AFF3: variants seen among roughly 807,000 people sequenced by gnomAD.
The protein encoded by AFF3 is AF4/FMR2 family member 3.
AFF3 carries 32 observed loss-of-function variants against 129.7 expected under a neutral mutation model. That is an observed-to-expected ratio of 0.25 (90% CI 0.19 to 0.33). The LOEUF (loss-of-function observed/expected upper bound fraction) is 0.33, where lower values mean the gene tolerates loss of function less well. AFF3 is among the 10% of genes least tolerant of loss of function. AFF3 has a pLI of 1.00. For synonymous variants in AFF3, 644 were observed against 635.4 expected, an observed-to-expected ratio of 1.01 and a Z score of -0.20; for missense variants, 1,373 against 1,592.0, an observed-to-expected ratio of 0.86 and a Z score of 2.34.
intron 11 of AFF3, chr2:99,707,283 T>C (rs1677489161): frequency 7.1e-6 from 7 of 985,280 alleles, no homozygotes; most frequent in Non-Finnish European, 7.2e-6. Context: ...TTCTTGCTTT[T>C]AGTAATTTGT....
At chr2:100,000,512 GCACA>G (rs67954752) in intron 7 of AFF3, among the ~76,000 whole-genome samples, 30 of 148,854 alleles carry the variant, frequency 2.0e-4, no homozygotes, top group African/African-American at 4.7e-4. Flanking sequence ...TAGCACGCGC[GCACA>G]CACACACACA....
At chr2:99,735,637 C>T (rs557096318) in intron 10 of AFF3, among the ~76,000 whole-genome samples, 16 of 152,144 alleles carry the variant, frequency 1.1e-4, no homozygotes, top group Admixed American at 5.9e-4. Context: ...GGACTACAGG[C>T]GCCTGCCACC....
chr2:99,950,627 T>TGG (rs1272918129), intron 7 of AFF3, among the ~76,000 whole-genome samples: 2 of 152,220 alleles, frequency 1.3e-5, no homozygotes, highest in African/African-American at 4.8e-5. Flanking sequence ...GAAATCATTT[T>TGG]ATCTTACAAC....
At chr2:100,011,949 T>C (rs1376034875) in intron 4 of AFF3, among the ~76,000 whole-genome samples, 2 of 152,134 alleles carry the variant, frequency 1.3e-5, no homozygotes, top group Non-Finnish European at 2.9e-5. Context: ...TAACTAAACC[T>C]GCCTCATCCC....
intron 11 of AFF3, among the ~76,000 whole-genome samples, chr2:99,708,773 A>G (rs1056006261): frequency 6.6e-5 from 10 of 152,344 alleles, no homozygotes; most frequent in Non-Finnish European, 8.8e-5. Context: ...GATAAGATGA[A>G]GATCTTAATT....
chr2:99,677,236 C>T (rs1674038223), intron 11 of AFF3, among the ~76,000 whole-genome samples: 1 of 147,998 alleles, frequency 6.8e-6, no homozygotes. Flanking sequence ...TACCACTGCA[C>T]TCCAGCCTGG....
chr2:99,656,477 T>C (rs1437227527), intron 12 of AFF3, among the ~76,000 whole-genome samples: 2 of 152,214 alleles, frequency 1.3e-5, no homozygotes, highest in Non-Finnish European at 2.9e-5. Flanking sequence ...AGTTTGTGTT[T>C]TGCTGTTACT....
At chr2:100,045,384 A>G (rs1685753124) in intron 4 of AFF3, among the ~76,000 whole-genome samples, 1 of 152,206 alleles carries the variant, frequency 6.6e-6, no homozygotes, top group Non-Finnish European at 1.5e-5. Context: ...CTTCTTAATA[A>G]GAACAGCAGC....
At chr2:99,637,485 G>A (rs17765792) in intron 13 of AFF3, among the ~76,000 whole-genome samples, 5,394 of 152,124 alleles carry the variant, frequency 0.035, 116 homozygotes, top group Non-Finnish European at 0.044. Flanking sequence ...TTGCTTTTGA[G>A]GTCAGATCTG....
chr2:99,637,253 T>C (rs1360828696), intron 13 of AFF3, among the ~76,000 whole-genome samples: 1 of 152,194 alleles, frequency 6.6e-6, no homozygotes, highest in Non-Finnish European at 1.5e-5. Flanking sequence ...AGTTTGGTTT[T>C]AAACAAAGCA....
At chr2:99,635,785 A>G (rs1357720) in intron 13 of AFF3, among the ~76,000 whole-genome samples, 92,165 of 151,918 alleles carry the variant, frequency 0.61, 28,402 homozygotes, top group East Asian at 0.82. Flanking sequence ...GTTTCCCCAC[A>G]TGTAAAATAA....
At chr2:99,756,555 C>G (rs146772854) in intron 8 of AFF3, among the ~76,000 whole-genome samples, 90 of 152,360 alleles carry the variant, frequency 5.9e-4, no homozygotes, top group Admixed American at 3.3e-4. Context: ...GTCTGTTACT[C>G]TGTCCTTGGG....
At chr2:99,890,985 T>C (rs868053624) in intron 7 of AFF3, among the ~76,000 whole-genome samples, 16 of 152,158 alleles carry the variant, frequency 1.1e-4, no homozygotes, top group African/African-American at 1.4e-4. Context: ...ACTGAAATGA[T>C]AGTTTGTTAC....
intron 7 of AFF3, among the ~76,000 whole-genome samples, chr2:99,868,413 G>A (rs888874658): frequency 3.9e-5 from 6 of 152,164 alleles, no homozygotes; most frequent in African/African-American, 1.4e-4. Flanking sequence ...CAGGCCGGGA[G>A]GGGAGACAGC....
At chr2:99,829,411 A>G (rs1688347147) in intron 8 of AFF3, among the ~76,000 whole-genome samples, 1 of 152,230 alleles carries the variant, frequency 6.6e-6, no homozygotes, top group African/African-American at 2.4e-5. Context: ...AACATCCAGA[A>G]TCTACAAGGA....
intron 9 of AFF3, among the ~76,000 whole-genome samples, chr2:99,747,811 C>T (rs1462022066): frequency 6.6e-6 from 1 of 152,026 alleles, no homozygotes; most frequent in Non-Finnish European, 1.5e-5. Flanking sequence ...TCTCATGTTG[C>T]TAGCTGATGT....
chr2:99,821,162 T>C (rs894956175), intron 8 of AFF3, among the ~76,000 whole-genome samples: 2 of 152,102 alleles, frequency 1.3e-5, no homozygotes, highest in African/African-American at 4.8e-5. Flanking sequence ...CTTGAGCCAC[T>C]ACATCTGGCC....
chr2:99,947,569 GAAAGA>G (rs746813661), intron 7 of AFF3, among the ~76,000 whole-genome samples: 21 of 139,220 alleles, frequency 1.5e-4, no homozygotes, highest in Middle Eastern at 3.7e-3. Flanking sequence ...GAAAGAGAAA[GAAAGA>G]AAAGAAAAGA....
At chr2:99,680,183 A>G (rs1674391683) in intron 11 of AFF3, among the ~76,000 whole-genome samples, 1 of 152,146 alleles carries the variant, frequency 6.6e-6, no homozygotes, top group African/African-American at 2.4e-5. Flanking sequence ...GCTTCCTCCT[A>G]AAAGAATTAC....
Sources: gnomAD v4.1 joint callset for allele counts (sites outside exome capture counted in the v4.1 genomes callset) on GRCh38, gnomAD v4.1.1 for gene constraint, MANE v1.5 for transcripts, NCBI Gene and HGNC (gene_info 2026-07-23, HGNC 2026-07-21) for gene names.